The following SNTG1 variants were observed in gnomAD, a reference collection of about 807,000 sequenced individuals.
SNTG1 encodes the protein syntrophin gamma 1, also known as gamma-1-syntrophin.
Under a neutral mutation model 74.7 loss-of-function variants are expected in SNTG1, and 39 were observed. The ratio of observed to expected loss-of-function variants is 0.52; its 90% confidence interval spans 0.40 to 0.68. SNTG1 has a LOEUF of 0.68. Ranked by LOEUF, SNTG1 falls within the 30% of genes least tolerant of loss-of-function variation. The pLI, the probability that SNTG1 is intolerant of heterozygous loss-of-function variation, is 0.00. For missense variants in SNTG1, 685 were observed against 609.5 expected, an observed-to-expected ratio of 1.12 and a Z score of -1.30; for synonymous variants, 254 against 217.1, an observed-to-expected ratio of 1.17 and a Z score of -1.49.
intron 2 of SNTG1, among the ~76,000 whole-genome samples, chr8:50,293,305 C>T (rs2089206532): frequency 6.6e-6 from 1 of 152,108 alleles, no homozygotes; most frequent in African/African-American, 2.4e-5. Flanking sequence ...TCATCTCCTA[C>T]CTATGTCTTC....
At chr8:49,976,558 T>G (rs987818863) in intron 1 of SNTG1, among the ~76,000 whole-genome samples, 2 of 152,162 alleles carry the variant, frequency 1.3e-5, no homozygotes, top group Non-Finnish European at 1.5e-5. Context: ...GCACAGAATA[T>G]TTAAATGTCA....
chr8:50,551,991 G>A (rs898317983), intron 11 of SNTG1, among the ~76,000 whole-genome samples: 20 of 152,100 alleles, frequency 1.3e-4, no homozygotes, highest in African/African-American at 2.7e-4. Context: ...TTTGTTTGGG[G>A]AATAAACTCT....
chr8:50,312,837 A>G lies in SNTG1; in HGVS notation c.-27-81375A>G, dbSNP rs959757020. On this transcript the variant is annotated intron_variant, in intron 2 of 18. Coordinates refer to ENST00000642720, the MANE Select transcript of SNTG1 (RefSeq NM_018967.5). ...ACTATGAGGGCTTTAAAACATAAAT[A>G]TAATAAAATATAACTATCTTACCCA... 1.5e-4 allele frequency among the ~76,000 whole-genome samples: 23 copies of G among 150,246 alleles called. 4 individuals are homozygous for G. The highest frequency in any genetic ancestry group is 5.4e-4 in the African/African-American group (22 of 40,416).
intron 2 of SNTG1, among the ~76,000 whole-genome samples, chr8:50,237,426 G>A (rs2085964577): frequency 6.6e-6 from 1 of 152,070 alleles, no homozygotes; most frequent in Non-Finnish European, 1.5e-5. Context: ...CATCATTGCT[G>A]ATCATTCATT....
At chr8:50,494,263 C>T (rs1296976260) in intron 8 of SNTG1, among the ~76,000 whole-genome samples, 2 of 151,852 alleles carry the variant, frequency 1.3e-5, no homozygotes. Context: ...AGACCACTTG[C>T]TCATAGCAAA....
intron 2 of SNTG1, among the ~76,000 whole-genome samples, chr8:50,328,954 G>T (rs548421615): frequency 6.6e-6 from 1 of 152,150 alleles, no homozygotes; most frequent in African/African-American, 2.4e-5. Context: ...ACACAATGTG[G>T]GTGTAAGCAT....
intron 2 of SNTG1, among the ~76,000 whole-genome samples, chr8:50,273,113 T>A (rs1294798606): frequency 6.6e-6 from 1 of 152,140 alleles, no homozygotes; most frequent in Non-Finnish European, 1.5e-5. Flanking sequence ...GGGAGAATGA[T>A]GAAATTTGAA....
chr8:50,589,186 A>T (rs770305878), intron 12 of SNTG1, among the ~76,000 whole-genome samples: 1 of 152,180 alleles, frequency 6.6e-6, no homozygotes, highest in Non-Finnish European at 1.5e-5. Flanking sequence ...CATTCAAAGG[A>T]TAGAGATGGT....
intron 2 of SNTG1, among the ~76,000 whole-genome samples, chr8:50,176,198 G>T (rs2082994180): frequency 6.6e-6 from 1 of 152,108 alleles, no homozygotes; most frequent in African/African-American, 2.4e-5. Flanking sequence ...TGGTCCTTCT[G>T]CTGTGGCCTG....
chr8:50,709,260 GAT>G (rs1207809137), intron 17 of SNTG1: 1 of 391,920 alleles, frequency 2.6e-6, no homozygotes, highest in Non-Finnish European at 4.5e-6. Context: ...GTTTTTTAAA[GAT>G]ATGACTTTAT....
intron 1 of SNTG1, among the ~76,000 whole-genome samples, chr8:50,141,202 T>C (rs2081644263): frequency 6.6e-6 from 1 of 152,206 alleles, no homozygotes; most frequent in South Asian, 2.1e-4. Flanking sequence ...CTTAAATATA[T>C]GGGAATAGGA....
At chr8:50,632,365 C>A (rs1340056435) in intron 13 of SNTG1, among the ~76,000 whole-genome samples, 1 of 150,974 alleles carries the variant, frequency 6.6e-6, no homozygotes, top group Non-Finnish European at 1.5e-5. Flanking sequence ...GGTTGGAGTG[C>A]AGTGTTGCAA....
intron 15 of SNTG1, among the ~76,000 whole-genome samples, chr8:50,697,247 G>C (rs1398599743): frequency 6.6e-6 from 1 of 152,028 alleles, no homozygotes; most frequent in Non-Finnish European, 1.5e-5. Context: ...TTGCTGTGTA[G>C]AAAAGCTACT....
At chr8:50,438,895 C>A (rs1208070024) in intron 5 of SNTG1, among the ~76,000 whole-genome samples, 1 of 152,038 alleles carries the variant, frequency 6.6e-6, no homozygotes, top group Non-Finnish European at 1.5e-5. Flanking sequence ...GCATATCTTT[C>A]TTTAACCAAC....
chr8:50,197,340 G>C (rs1731604920), intron 2 of SNTG1, among the ~76,000 whole-genome samples: 1 of 152,108 alleles, frequency 6.6e-6, no homozygotes, highest in Non-Finnish European at 1.5e-5. Flanking sequence ...TCTGTTGTCT[G>C]TTTACATACA....
chr8:50,140,555 T>G (rs1228302555), intron 1 of SNTG1, among the ~76,000 whole-genome samples: 1 of 152,034 alleles, frequency 6.6e-6, no homozygotes, highest in East Asian at 1.9e-4. Context: ...TATGAGAATG[T>G]TCATGTTAGT....
intron 2 of SNTG1, among the ~76,000 whole-genome samples, chr8:50,265,869 A>G (rs1586895103): frequency 6.6e-6 from 1 of 152,094 alleles, no homozygotes; most frequent in Admixed American, 6.5e-5. Context: ...ATACTTTGGA[A>G]TAAATTTCAT....
intron 2 of SNTG1, among the ~76,000 whole-genome samples, chr8:50,393,230 A>G (rs978506834): frequency 1.3e-5 from 2 of 152,178 alleles, no homozygotes; most frequent in African/African-American, 4.8e-5. Context: ...CAAAGTCAAT[A>G]GTAATAATCT....
intron 8 of SNTG1, among the ~76,000 whole-genome samples, chr8:50,494,425 T>C (rs2093885816): frequency 6.6e-6 from 1 of 152,012 alleles, no homozygotes; most frequent in Non-Finnish European, 1.5e-5. Context: ...TTTACTTTAA[T>C]AAAATGGTTT....
Sources: gnomAD v4.1 joint callset for allele counts (sites outside exome capture counted in the v4.1 genomes callset) on GRCh38, gnomAD v4.1.1 for gene constraint, MANE v1.5 for transcripts, NCBI Gene and HGNC (gene_info 2026-07-23, HGNC 2026-07-21) for gene names.